The following ANKRD6 variants were observed in gnomAD, a reference collection of about 807,000 sequenced individuals.
ANKRD6 encodes the protein ankyrin repeat domain-containing protein 6.
Under a neutral mutation model 82.3 loss-of-function variants are expected in ANKRD6, and 56 were observed. The ratio of observed to expected loss-of-function variants is 0.68; its 90% CI spans 0.55 to 0.85. The LOEUF is 0.85. Among genes scored for constraint, ANKRD6 ranks in the 40% least tolerant of loss-of-function variants. The pLI is 0.00. For synonymous variants in ANKRD6, 347 were observed against 352.1 expected, an observed-to-expected ratio of 0.99 and a Z score of 0.16; for missense variants, 852 against 907.6, an observed-to-expected ratio of 0.94 and a Z score of 0.79.
At chr6:89,446,318 C>T (rs560829073) in intron 1 of ANKRD6, among the ~76,000 whole-genome samples, 1 of 152,180 alleles carries the variant, frequency 6.6e-6, no homozygotes, top group East Asian at 1.9e-4. Flanking sequence ...TGCCATTGCA[C>T]TCCAGCCTGG....
At chr6:89,539,610 A>AAT (rs1784231513) in intron 1 of ANKRD6, among the ~76,000 whole-genome samples, 1 of 152,252 alleles carries the variant, frequency 6.6e-6, no homozygotes, top group East Asian at 1.9e-4. Flanking sequence ...TGCAATGTGA[A>AAT]ATACACACAT....
chr6:89,579,999 A>G (rs1317313787), intron 2 of ANKRD6, among the ~76,000 whole-genome samples: 1 of 152,092 alleles, frequency 6.6e-6, no homozygotes, highest in Non-Finnish European at 1.5e-5. Context: ...AATTATAGGG[A>G]CAGAAAATAG....
intron 2 of ANKRD6, among the ~76,000 whole-genome samples, chr6:89,573,154 A>T (rs1242261170): frequency 6.6e-6 from 1 of 152,156 alleles, no homozygotes; most frequent in Admixed American, 6.5e-5. Flanking sequence ...TTCCTGGGCG[A>T]TCCTACTGCC....
At chr6:89,531,401 G>A (rs569378389) in intron 1 of ANKRD6, among the ~76,000 whole-genome samples, 222 of 152,354 alleles carry the variant, frequency 1.5e-3, no homozygotes, top group African/African-American at 5.1e-3. Context: ...CCATTTCTAA[G>A]AGAAAAGGCA....
At chr6:89,604,697 T>C (rs1481019090) in intron 4 of ANKRD6, among the ~76,000 whole-genome samples, 3 of 152,064 alleles carry the variant, frequency 2.0e-5, no homozygotes, top group Admixed American at 1.3e-4. Flanking sequence ...GCATCCCCGC[T>C]TTCCTTTGGC....
At chr6:89,565,217 A>G (rs1788218062) in intron 1 of ANKRD6, 1 of 151,456 alleles carries the variant, frequency 6.6e-6, no homozygotes, top group Non-Finnish European at 1.5e-5. Flanking sequence ...TATTTCTGGC[A>G]TATCCCAGGG....
chr6:89,466,065 A>AT (rs536790884), intron 1 of ANKRD6, among the ~76,000 whole-genome samples: 1 of 152,040 alleles, frequency 6.6e-6, no homozygotes, highest in South Asian at 2.1e-4. Flanking sequence ...TTTCTTGTAT[A>AT]TTTTTTTGTA....
intron 2 of ANKRD6, among the ~76,000 whole-genome samples, chr6:89,572,409 T>C (rs891074138): frequency 6.6e-6 from 1 of 152,218 alleles, no homozygotes; most frequent in Non-Finnish European, 1.5e-5. Flanking sequence ...CTCACCAGCA[T>C]TTGGTGTTTC....
At chr6:89,436,491 T>C (rs1362067826) in intron 1 of ANKRD6, among the ~76,000 whole-genome samples, 1 of 152,216 alleles carries the variant, frequency 6.6e-6, no homozygotes, top group East Asian at 1.9e-4. Context: ...TTTGCTATAG[T>C]TGCAAAACAC....
At chr6:89,619,708 A>C (rs1241340610) in intron 9 of ANKRD6, 1 of 152,252 alleles carries the variant, frequency 6.6e-6, no homozygotes, top group East Asian at 1.9e-4. Context: ...CTTTAGGCAT[A>C]AGATGTTACG....
chr6:89,527,626 A>T (rs1449824634), intron 1 of ANKRD6, among the ~76,000 whole-genome samples: 1 of 148,818 alleles, frequency 6.7e-6, no homozygotes. Flanking sequence ...AAAAAAAAAA[A>T]GAAAAAGAAA....
chr6:89,439,280 T>C (rs1394030787), intron 1 of ANKRD6, among the ~76,000 whole-genome samples: 1 of 152,166 alleles, frequency 6.6e-6, no homozygotes, highest in Non-Finnish European at 1.5e-5. Flanking sequence ...AATGTTATCA[T>C]AAGAGTTTAA....
chr6:89,553,384 G>A (rs1435058453), intron 1 of ANKRD6, among the ~76,000 whole-genome samples: 1 of 152,186 alleles, frequency 6.6e-6, no homozygotes, highest in African/African-American at 2.4e-5. Context: ...AGCCCTGGGA[G>A]AAGGCCTCTG....
In ANKRD6 at chr6:89,613,857, C is replaced by T. The variant is rs765915999; in HGVS notation, c.582C>T (p.Leu194=). ...YNHLSIIRLL[L]TAFCSVHEKN... The stretch of plus-strand genomic sequence containing the variant: ...ACTTGTCCATCATTAGGCTCCTCCT[C>T]ACTGCTTTCTGTTCTGTCCATGAAA... Residue 194 remains leucine (L), a synonymous_variant, in exon 7 of 16, where the codon CTC becomes CTT. Transcript: ENST00000339746. The T allele has an allele frequency of 1.1e-5, 17 of 1,614,026 alleles. No homozygotes were observed. In the South Asian group the frequency reaches 1.9e-4, roughly 18 times the overall value.
intron 1 of ANKRD6, among the ~76,000 whole-genome samples, chr6:89,551,513 G>C (rs1300229002): frequency 6.6e-6 from 1 of 152,188 alleles, no homozygotes; most frequent in Non-Finnish European, 1.5e-5. Flanking sequence ...GAAGGTCTGT[G>C]GATTTTCCCT....
At chr6:89,514,535 A>T (rs1368060748) in intron 1 of ANKRD6, among the ~76,000 whole-genome samples, 1 of 152,202 alleles carries the variant, frequency 6.6e-6, no homozygotes, top group African/African-American at 2.4e-5. Context: ...CCTGCCGTAA[A>T]TGGAATTAAA....
chr6:89,608,400 C>G (rs1412806807), intron 5 of ANKRD6, among the ~76,000 whole-genome samples: 4 of 120,484 alleles, frequency 3.3e-5, no homozygotes, highest in Non-Finnish European at 5.3e-5. Flanking sequence ...AATTTCATGG[C>G]CAAGTCAAAT....
Position 89,485,348 on chromosome 6 carries a change from C to G in ANKRD6, c.-144+51973C>G, listed in dbSNP as rs376729139. On this transcript the variant is annotated intron_variant, in intron 1 of 15. Coordinates refer to ENST00000339746, the MANE Select transcript of ANKRD6 (RefSeq NM_001242809.2). ...GGGTCAGGACATGCGGCTGTGGCAA[C>G]TCAGATTCAGAGCTTTGTTGCTGGG... 9.8e-5 allele frequency among the ~76,000 whole-genome samples: 15 copies of G among 152,332 alleles called. No individual in the cohort carries two copies. The East Asian group carries it at 2.7e-3, about 27-fold the overall frequency.
chr6:89,570,053 A>G (rs1463111118), intron 2 of ANKRD6, among the ~76,000 whole-genome samples: 6 of 82,020 alleles, frequency 7.3e-5, no homozygotes, highest in Admixed American at 6.1e-4. Flanking sequence ...GTGTGTGTGT[A>G]TGTGTGTATA....
Sources: allele counts gnomAD v4.1 joint callset (sites outside exome capture counted in the v4.1 genomes callset), GRCh38; gene constraint gnomAD v4.1.1; transcripts MANE v1.5; gene names NCBI Gene and HGNC (gene_info 2026-07-23, HGNC 2026-07-21).